CPEB1: variants seen among roughly 807,000 people sequenced by gnomAD.
The protein encoded by CPEB1 is cytoplasmic polyadenylation element-binding protein 1.
CPEB1 carries 7 observed loss-of-function variants against 65.8 expected under a neutral mutation model. The ratio of observed to expected loss-of-function variants is 0.11; its 90% CI spans 0.06 to 0.20. The LOEUF (loss-of-function observed/expected upper bound fraction) is 0.20, where lower values mean the gene tolerates loss of function less well. Ranked by LOEUF, CPEB1 falls within the 10% of genes least tolerant of loss-of-function variation. The probability of loss-of-function intolerance (pLI) is 1.00; values close to 1 mark genes in which losing one functional copy is unlikely to be tolerated. For missense variants in CPEB1, 551 were observed against 712.2 expected (o/e 0.77, Z 2.58); for synonymous variants, 262 against 260.0 (o/e 1.01, Z -0.08).
chr15:82,622,807 T>C (rs1294480865), intron 3 of CPEB1, among the ~76,000 whole-genome samples: 1 of 152,190 alleles, frequency 6.6e-6, no homozygotes, highest in Non-Finnish European at 1.5e-5. Context: ...TCTATACAAA[T>C]ACTTCTCTTG....
intron 1 of CPEB1, among the ~76,000 whole-genome samples, chr15:82,640,323 T>A (rs538056726): frequency 3.3e-5 from 5 of 152,310 alleles, no homozygotes; most frequent in Admixed American, 1.3e-4. Context: ...ATAAAACTGC[T>A]GTGAATATTC....
chr15:82,546,601 T>C (rs2035264638), intron 11 of CPEB1, 80 bp from the exon 12 acceptor site: 1 of 1,005,660 alleles, frequency 9.9e-7, no homozygotes, highest in South Asian at 1.3e-5. Context: ...GGGCACATTA[T>C]TGGCCACACA....
At chr15:82,601,072 T>C (rs941474362) in intron 3 of CPEB1, among the ~76,000 whole-genome samples, 1 of 150,284 alleles carries the variant, frequency 6.7e-6, no homozygotes, top group Non-Finnish European at 1.5e-5. Flanking sequence ...ACCGAGCTAA[T>C]TTTTGTATTT....
intron 3 of CPEB1, among the ~76,000 whole-genome samples, chr15:82,608,873 A>G (rs1243940831): frequency 2.0e-5 from 3 of 152,242 alleles, no homozygotes; most frequent in Non-Finnish European, 4.4e-5. Context: ...AGATATTTCA[A>G]TCTACAAAAG....
intron 4 of CPEB1, among the ~76,000 whole-genome samples, chr15:82,568,899 T>G (rs888974071): frequency 6.6e-6 from 1 of 152,218 alleles, no homozygotes; most frequent in African/African-American, 2.4e-5. Context: ...CCAACCTTGC[T>G]CATTACTTAA....
At chr15:82,605,716 AT>A (rs2043519929) in intron 3 of CPEB1, among the ~76,000 whole-genome samples, 1 of 152,196 alleles carries the variant, frequency 6.6e-6, no homozygotes, top group African/African-American at 2.4e-5. Flanking sequence ...TTAATTATAA[AT>A]CTGTATTGAT....
intron 3 of CPEB1, among the ~76,000 whole-genome samples, chr15:82,622,482 CCTCCGA>C (rs1190336880): frequency 6.6e-6 from 1 of 152,144 alleles, no homozygotes; most frequent in East Asian, 1.9e-4. Context: ...CTCACTGCAA[CCTCCGA>C]CTCCCCGGTT....
intron 3 of CPEB1, among the ~76,000 whole-genome samples, chr15:82,592,578 A>C (rs2042346316): frequency 1.8e-5 from 2 of 109,092 alleles, no homozygotes; most frequent in Admixed American, 1.8e-4. Flanking sequence ...ATATTGTCTC[A>C]AAAAAAAAAA....
intron 6 of CPEB1, among the ~76,000 whole-genome samples, chr15:82,554,855 C>A (rs1338913900): frequency 6.6e-6 from 1 of 152,198 alleles, no homozygotes; most frequent in Non-Finnish European, 1.5e-5. Flanking sequence ...TCTTTTACGA[C>A]AAAAACAGAA....
intron 2 of CPEB1, 57 bp downstream of exon 2, chr15:82,628,307 G>A (rs1036094073): frequency 8.5e-6 from 6 of 702,316 alleles, no homozygotes; most frequent in African/African-American, 5.2e-5. Flanking sequence ...ACAAAAAAAG[G>A]TTGGGAGTGA....
rs115292761 is a variant in CPEB1, at chr15:82,564,063, T to C, written c.461-6077A>G. On this transcript the variant is annotated intron_variant, in intron 4 of 12. Transcript: ENST00000684509. ...CTGCATAGATATTTGCAGGCCCACA[T>C]GTGTAAAAAGTTGTGCCTTCTCAAC... Among the ~76,000 whole-genome samples, 1,013 of 152,268 alleles carry C rather than the reference T, an allele frequency of 6.7e-3. 10 individuals are homozygous for C. The highest frequency in any genetic ancestry group is 0.023 in the African/African-American group (945 of 41,552).
At chr15:82,594,919 A>G (rs2042560787) in intron 3 of CPEB1, among the ~76,000 whole-genome samples, 1 of 152,226 alleles carries the variant, frequency 6.6e-6, no homozygotes, top group Admixed American at 6.5e-5. Context: ...AGCATACACA[A>G]AGTTTATCAA....
intron 10 of CPEB1, chr15:82,548,631 A>T (rs747733397): frequency 2.3e-6 from 1 of 433,132 alleles, no homozygotes; most frequent in East Asian, 7.3e-5. Context: ...GGGTAAGCCC[A>T]GCAGTTGAAC....
At chr15:82,598,545 G>A (rs1056169716) in intron 3 of CPEB1, among the ~76,000 whole-genome samples, 1 of 151,998 alleles carries the variant, frequency 6.6e-6, no homozygotes, top group African/African-American at 2.4e-5. Context: ...AGTATTTTGG[G>A]AGGCGGAGGT....
chr15:82,625,686 T>C (rs142622213), intron 3 of CPEB1, among the ~76,000 whole-genome samples: 80 of 152,340 alleles, frequency 5.3e-4, no homozygotes, highest in African/African-American at 1.8e-3. Context: ...CATCTGCATG[T>C]AAGTGGACCT....
At chr15:82,552,665 C>T (rs2036475271) in intron 8 of CPEB1, 49 bp from the exon 9 acceptor site, 1 of 1,599,728 alleles carries the variant, frequency 6.3e-7, no homozygotes, top group Non-Finnish European at 8.6e-7. Flanking sequence ...TAGGTGGCCA[C>T]TCCTCAGCCT....
chr15:82,545,533 G>GGA (rs1351094358), intron 12 of CPEB1, among the ~76,000 whole-genome samples: 1 of 152,118 alleles, frequency 6.6e-6, no homozygotes, highest in Non-Finnish European at 1.5e-5. Context: ...GATACTTGTT[G>GGA]GACACATGGA....
intron 4 of CPEB1, among the ~76,000 whole-genome samples, chr15:82,559,860 G>C (rs137885168): frequency 9.9e-5 from 15 of 152,232 alleles, no homozygotes; most frequent in South Asian, 2.1e-4. Flanking sequence ...GAGACAGGTA[G>C]ATCACCTGAG....
Position 82,546,449 on chromosome 15 carries a change from G to C in CPEB1, c.1648C>G (p.Arg550Gly). ...CSSQPGPFFC[R>G]DQVCFKYFCR... ...ATAGACATCGGACCCACCTGATCTCGACAGAAGAAAGGACCAGGCTGAGAA... is the reference window on the plus strand; with the variant it reads ...ATAGACATCGGACCCACCTGATCTCCACAGAAGAAAGGACCAGGCTGAGAA... Residue 550 changes from arginine to glycine, a missense_variant, in exon 12 of 13, where the codon CGA becomes GGA. Arg to Gly is a moderately radical substitution (Grantham distance 125, BLOSUM62 -2). This residue lies in a region of CPEB1 where 98 missense variants were observed against 157.6 expected (regional missense o/e 0.62). Coordinates refer to ENST00000684509, the MANE Select transcript of CPEB1 (RefSeq NM_001365242.1). 6.2e-7 allele frequency: 1 copy of C among 1,613,586 alleles called. No homozygotes were observed. Among genetic ancestry groups the C allele is most frequent in the Non-Finnish European group, 8.5e-7 (1 of 1,179,576 alleles).
Sources: allele counts gnomAD v4.1 joint callset (sites outside exome capture counted in the v4.1 genomes callset), GRCh38; gene constraint gnomAD v4.1.1; regional missense constraint gnomAD v4.1.1; transcripts MANE v1.5; gene names NCBI Gene and HGNC (gene_info 2026-07-23, HGNC 2026-07-21).